RYR2: variants seen among roughly 807,000 people sequenced by gnomAD.
RYR2 encodes the protein cardiac muscle ryanodine receptor-calcium release channel.
In RYR2, 227 loss-of-function variants were observed where a neutral mutation model predicts 601.1. The observed-to-expected ratio is 0.38, with a 90% confidence interval of 0.34 to 0.42. The LOEUF is 0.42. RYR2 is among the 10% of genes least tolerant of loss of function. The pLI is 1.00. For missense variants in RYR2, 4,646 were observed against 6,156.5 expected (o/e 0.75, Z 8.21); for synonymous variants, 2,223 against 2,175.1 (o/e 1.02, Z -0.61).
At chr1:237,145,763 TG>T (rs1673936876) in intron 1 of RYR2, among the ~76,000 whole-genome samples, 1 of 152,032 alleles carries the variant, frequency 6.6e-6, no homozygotes, top group Admixed American at 6.5e-5. Context: ...GTAATGGCAG[TG>T]AAGAAAAAAA....
intron 3 of RYR2, among the ~76,000 whole-genome samples, chr1:237,354,893 T>G (rs1165667549): frequency 6.6e-6 from 1 of 152,164 alleles, no homozygotes; most frequent in African/African-American, 2.4e-5. Context: ...AAGTAACCTA[T>G]TGGATTTCAT....
At chr1:237,687,653 G>T in intron 63 of RYR2, 149 bp downstream of exon 63, 1 of 665,958 alleles carries the variant, frequency 1.5e-6, no homozygotes, top group Non-Finnish European at 2.7e-6. Context: ...GGTCCTCGAG[G>T]TTGTTCATAA....
At chr1:237,771,281 C>T (rs907864252) in intron 85 of RYR2, among the ~76,000 whole-genome samples, 3 of 151,742 alleles carry the variant, frequency 2.0e-5, no homozygotes, top group Non-Finnish European at 4.4e-5. Context: ...CATGGTGGTG[C>T]GTGCTCATAG....
At chr1:237,565,194 T>C (rs3999853) in intron 27 of RYR2, among the ~76,000 whole-genome samples, 1,347 of 87,352 alleles carry the variant, frequency 0.015, 47 homozygotes, top group East Asian at 0.024. Context: ...TTTCTTTCTT[T>C]CTTTCTTTCT....
intron 63 of RYR2, among the ~76,000 whole-genome samples, chr1:237,695,465 AAAGTATC>A (rs1334683185): frequency 1.3e-5 from 2 of 152,120 alleles, no homozygotes; most frequent in African/African-American, 2.4e-5. Context: ...TGTGAGTTGA[AAAGTATC>A]AATCTTTTGG....
intron 1 of RYR2, among the ~76,000 whole-genome samples, chr1:237,107,519 CAAAAA>C (rs71561857): frequency 2.6e-5 from 1 of 38,900 alleles, no homozygotes; most frequent in Admixed American, 5.3e-4. Flanking sequence ...GACTCCATCT[CAAAAA>C]AAAAAAAAAA....
intron 56 of RYR2, 36 bp downstream of exon 56, chr1:237,660,983 T>C (rs1178967061): frequency 3.9e-6 from 5 of 1,292,938 alleles, no homozygotes; most frequent in Non-Finnish European, 5.0e-6. Context: ...CAACTGTTTA[T>C]GTTATGGATT....
At chr1:237,545,863 C>T (rs1003067922) in intron 25 of RYR2, among the ~76,000 whole-genome samples, 4 of 151,290 alleles carry the variant, frequency 2.6e-5, no homozygotes, top group Non-Finnish European at 4.4e-5. Flanking sequence ...GGTTGAAGAG[C>T]GGCCTGGGCA....
rs1673341988 is a variant in RYR2 at position 237,141,107 on chromosome 1, G to C, written c.48+98538G>C. On this transcript the variant is annotated intron_variant, in intron 1 of 104. Coordinates refer to ENST00000366574, the MANE Select transcript of RYR2 (RefSeq NM_001035.3). ...GAGAACAGCTTCTGGATGTATTTAG[G>C]AATGGAATTGCTCAGAAATAGAGCA... is the stretch of plus-strand genomic sequence containing the variant. Among the ~76,000 whole-genome samples, 3 of 152,166 alleles carry C rather than the reference G, an allele frequency of 2.0e-5. No individual in the cohort carries two copies. In the South Asian group the frequency reaches 6.2e-4, roughly 32 times the overall value.
chr1:237,674,929 C>T (rs1685267858), intron 60 of RYR2, 83 bp downstream of exon 60: 4 of 710,920 alleles, frequency 5.6e-6, no homozygotes, highest in Non-Finnish European at 9.5e-6. Context: ...ACAACACAGG[C>T]TGCTGAGCTA....
intron 89 of RYR2, among the ~76,000 whole-genome samples, chr1:237,782,095 TG>T (rs1277179735): frequency 6.6e-6 from 1 of 151,914 alleles, no homozygotes; most frequent in Non-Finnish European, 1.5e-5. Context: ...CCAGGGCAGC[TG>T]GCAGTGGTAG....
chr1:237,478,382 G>T (rs148991569), intron 17 of RYR2, among the ~76,000 whole-genome samples: 1 of 152,222 alleles, frequency 6.6e-6, no homozygotes, highest in Non-Finnish European at 1.5e-5. Context: ...AAAAATATCT[G>T]CCTCAAAGTG....
chr1:237,561,443 C>T (rs1459906665), intron 27 of RYR2, among the ~76,000 whole-genome samples: 1 of 152,064 alleles, frequency 6.6e-6, no homozygotes, highest in African/African-American at 2.4e-5. Flanking sequence ...GATCAGGAAT[C>T]AGTAAAGGGA....
At chr1:237,420,357 A>G (rs1705431514) in intron 11 of RYR2, among the ~76,000 whole-genome samples, 1 of 152,250 alleles carries the variant, frequency 6.6e-6, no homozygotes, top group Non-Finnish European at 1.5e-5. Flanking sequence ...GTGACATATC[A>G]TAAAGAAGTA....
chr1:237,475,160 G>C (rs1052961159), intron 17 of RYR2, among the ~76,000 whole-genome samples: 3 of 152,332 alleles, frequency 2.0e-5, no homozygotes, highest in African/African-American at 7.2e-5. Context: ...CTAAGGCTCA[G>C]AGAAATTCAA....
At chr1:237,078,744 A>C (rs1008808247) in intron 1 of RYR2, among the ~76,000 whole-genome samples, 6 of 137,584 alleles carry the variant, frequency 4.4e-5, no homozygotes, top group Admixed American at 3.0e-4. Context: ...TCCAATCAAT[A>C]GAAAAAGAGG....
chr1:237,623,082 A>G (rs960455548), intron 38 of RYR2, among the ~76,000 whole-genome samples: 16 of 152,338 alleles, frequency 1.1e-4, no homozygotes, highest in African/African-American at 3.8e-4. Flanking sequence ...CTAGAAAATA[A>G]TGGAAATTTA....
At position 237,128,936 on chromosome 1, in the gene RYR2, A is replaced by G. The variant is rs556630507; in HGVS notation, c.48+86367A>G. Among the ~76,000 whole-genome samples, 9 of 152,328 alleles carry G rather than the reference A, an allele frequency of 5.9e-5. 1 individual carries two copies. Among genetic ancestry groups the G allele is most frequent in the African/African-American group, 2.2e-4 (9 of 41,560 alleles). The stretch of plus-strand genomic sequence containing the variant: ...AAGAAGACTTTAAGGTTCTTAGCCT[A>G]AGCGATTTGAAGGATAGAGCTGCCA... On this transcript the variant is annotated intron_variant, in intron 1 of 104. Coordinates refer to ENST00000366574, the MANE Select transcript of RYR2 (RefSeq NM_001035.3).
At chr1:237,501,826 T>G (rs1664671632) in intron 21 of RYR2, among the ~76,000 whole-genome samples, 1 of 152,204 alleles carries the variant, frequency 6.6e-6, no homozygotes. Flanking sequence ...TTTTTTGGAC[T>G]GGACCTGATA....
Sources: gnomAD v4.1 joint callset for allele counts (sites outside exome capture counted in the v4.1 genomes callset) on GRCh38, gnomAD v4.1.1 for gene constraint, MANE v1.5 for transcripts, NCBI Gene and HGNC (gene_info 2026-07-23, HGNC 2026-07-21) for gene names.